NOD2: variants seen among roughly 807,000 people sequenced by gnomAD.
NOD2 encodes nucleotide binding oligomerization domain containing 2.
Under a neutral mutation model 90.9 loss-of-function variants are expected in NOD2, and 86 were observed. That is an observed-to-expected ratio of 0.95 (90% CI 0.79 to 1.13). NOD2 has a LOEUF of 1.13. NOD2 is among the 50% of genes most tolerant of loss of function. The probability of loss-of-function intolerance (pLI) is 0.00; values close to 1 mark genes in which losing one functional copy is unlikely to be tolerated. For missense variants in NOD2, 1,238 were observed against 1,283.8 expected, an observed-to-expected ratio of 0.96 and a Z score of 0.55; for synonymous variants, 581 against 554.6, an observed-to-expected ratio of 1.05 and a Z score of -0.67.
chr16:50,699,621 G>A lies in NOD2; in HGVS notation c.126G>A (p.Glu42=). 5 of 1,614,118 alleles carry A rather than the reference G, an allele frequency of 3.1e-6. No homozygotes were observed. The highest frequency in any genetic ancestry group is 3.4e-6 in the Non-Finnish European group (4 of 1,180,022). The change falls in exon 2 of 12, where the codon GAG becomes GAA. Residue 42 remains glutamate, a synonymous_variant. Coordinates refer to ENST00000647318, the MANE Select transcript of NOD2 (RefSeq NM_001370466.1). ...TGTCCTGGGAGGTCCTCTCCTGGGA[G>A]GACTACGAGGGCTTCCACCTCCTGG... ...WLLSWEVLSW[E]DYEGFHLLGQ...
chr16:50,698,929 C>CT (rs535158696), intron 1 of NOD2, among the ~76,000 whole-genome samples: 12,126 of 140,826 alleles, frequency 0.086, 1,072 homozygotes, highest in African/African-American at 0.22. Flanking sequence ...CTCTCTCTGT[C>CT]TTTTTTTTTT....
rs1456242383 is a variant in NOD2, at chr16:50,711,453, C to T, written c.1461C>T (p.Tyr487=). The change falls in exon 4 of 12, where the codon TAC becomes TAT. Residue 487 remains tyrosine, a synonymous_variant. Coordinates refer to ENST00000647318, the MANE Select transcript of NOD2 (RefSeq NM_001370466.1). The stretch of plus-strand genomic sequence containing the variant: ...CCCCAAAGACCACTACAGATATGTA[C>T]CTGCTGATTCTGCAGCATTTTCTGC... ...GGSPKTTTDM[Y]LLILQHFLLH... is the part of the protein sequence containing the mutation. 2 of 1,613,530 alleles carry T rather than the reference C, an allele frequency of 1.2e-6. No homozygotes were observed. The highest frequency in any genetic ancestry group is 1.1e-5 in the South Asian group (1 of 91,084).
intron 6 of NOD2, among the ~76,000 whole-genome samples, chr16:50,719,588 G>A (rs1183575144): frequency 1.3e-5 from 2 of 152,236 alleles, no homozygotes; most frequent in African/African-American, 2.4e-5. Context: ...CTGGATCGAG[G>A]GCGGCTGAGA....
At chr16:50,713,821 C>G (rs1964655478) in intron 4 of NOD2, among the ~76,000 whole-genome samples, 1 of 152,176 alleles carries the variant, frequency 6.6e-6, no homozygotes, top group Admixed American at 6.5e-5. Context: ...CACCCCAACT[C>G]TTGCTCCTGG....
intron 7 of NOD2, among the ~76,000 whole-genome samples, chr16:50,720,277 A>G (rs1964996034): frequency 6.6e-6 from 1 of 152,200 alleles, no homozygotes; most frequent in African/African-American, 2.4e-5. Flanking sequence ...AGGGGGCGCT[A>G]GGGCTGTACT....
chr16:50,726,578 C>CT (rs1965274012), intron 10 of NOD2, among the ~76,000 whole-genome samples: 1 of 152,162 alleles, frequency 6.6e-6, no homozygotes, highest in Non-Finnish European at 1.5e-5. Context: ...GAGGGTCGGC[C>CT]TTTGGGAATA....
At chr16:50,729,695 G>A (rs968022321) in intron 10 of NOD2, 123 bp from the exon 11 acceptor site, 15 of 745,940 alleles carry the variant, frequency 2.0e-5, no homozygotes, top group South Asian at 1.5e-4. Context: ...GACATGAGCA[G>A]GATGTGTCTA....
At chr16:50,720,118 C>A (rs1964988902) in intron 7 of NOD2, 110 bp downstream of exon 7, 2 of 945,064 alleles carry the variant, frequency 2.1e-6, no homozygotes, top group Non-Finnish European at 3.3e-6. Context: ...AGCCCAGCTC[C>A]AGTGGGGAGG....
intron 9 of NOD2, 54 bp downstream of exon 9, chr16:50,723,438 C>A: frequency 1.3e-6 from 2 of 1,513,038 alleles, no homozygotes; most frequent in South Asian, 1.1e-5. Flanking sequence ...CTCTGTTGAT[C>A]CCCTGGCCTC....
Position 50,712,324 on chromosome 16 carries a change from A to G in NOD2, c.2332A>G (p.Ile778Val). ...GCTGGACTACAACTCTGTGGGTGAC[A>G]TTGGCGTGGAGCAGCTGCTGCCTTG... is the stretch of plus-strand genomic sequence containing the variant. ...LQLDYNSVGD[I>V]GVEQLLPCLG... The change falls in exon 4 of 12, where the codon ATT (isoleucine) becomes GTT (valine). Residue 778 changes from isoleucine to valine, a missense_variant. Transcript: ENST00000647318. 1 of 1,614,018 alleles carries G rather than the reference A, an allele frequency of 6.2e-7. No individual in the cohort carries two copies. The highest frequency in any genetic ancestry group is 1.7e-5 in the Admixed American group (1 of 60,026).
Position 50,710,974 on chromosome 16 carries a change from T to C in NOD2, c.982T>C (p.Trp328Arg). 6.2e-7 allele frequency: 1 copy of C among 1,614,242 alleles called. No homozygotes were observed. Reference protein sequence around the residue: ...VRTLLFEHCCWPDVGQEDIFQ... With the variant: ...VRTLLFEHCCRPDVGQEDIFQ... The stretch of plus-strand genomic sequence containing the variant: ...GACTCTACTCTTTGAGCACTGCTGT[T>C]GGCCTGATGTTGGTCAAGAAGACAT... Residue 328 changes from tryptophan to arginine, a missense_variant, in exon 4 of 12, where the codon TGG becomes CGG. Trp to Arg is a moderately radical substitution (Grantham distance 101). Around this residue, in one of 3 missense-constraint regions of NOD2, gnomAD observed 567 missense variants for 577.3 expected, o/e 0.98. Coordinates refer to ENST00000647318, the MANE Select transcript of NOD2 (RefSeq NM_001370466.1).
Position 50,722,826 on chromosome 16 carries a change from A to G in NOD2, c.2717+121A>G, listed in dbSNP as rs1965120383. 3 of 913,916 alleles carry G rather than the reference A, an allele frequency of 3.3e-6. No homozygotes were observed. The South Asian group carries it at 4.0e-5, about 12-fold the overall frequency. The allele number at this position is 913,916 out of a possible 1,614,324, so 56.6% of individuals were successfully genotyped here. On this transcript the variant is annotated intron_variant, in intron 8 of 11. Transcript: ENST00000647318. ...ACCCCACAATGTTAGGCAATGGAGTAAGGAAAAAAGACCATTGGATTTCAA... is the reference window on the plus strand; with the variant it reads ...ACCCCACAATGTTAGGCAATGGAGTGAGGAAAAAAGACCATTGGATTTCAA...
intron 10 of NOD2, 34 bp from the exon 11 acceptor site, chr16:50,729,784 T>C: frequency 6.3e-7 from 1 of 1,578,270 alleles, no homozygotes. Context: ...AAACCAAGAA[T>C]CCTTGAAGCT....
chr16:50,710,420 T>A, intron 3 of NOD2, 138 bp from the exon 4 acceptor site: 1 of 1,098,490 alleles, frequency 9.1e-7, no homozygotes, highest in Non-Finnish European at 1.4e-6. Context: ...AGCTTGTGAA[T>A]GGAGGAGCCA....
chr16:50,700,602 G>T (rs1487792036), intron 2 of NOD2, among the ~76,000 whole-genome samples: 1 of 152,190 alleles, frequency 6.6e-6, no homozygotes, highest in African/African-American at 2.4e-5. Flanking sequence ...ATAGTCAAAT[G>T]GTGCCTATCC....
At position 50,716,951 on chromosome 16, in the gene NOD2, C is replaced by T. The variant is rs1277483116; in HGVS notation, c.2526C>T (p.Cys842=). Residue 842 remains cysteine (C), a synonymous_variant, in exon 6 of 12, where the codon TGC becomes TGT. Coordinates refer to ENST00000647318, the MANE Select transcript of NOD2 (RefSeq NM_001370466.1). ...ACTCCATGGCTAAGCTCCTTGCATG[C>T]AGGCAGAACTTCTTGGCATTGAGGT... ...CAHSMAKLLA[C]RQNFLALRLG... is the part of the protein sequence containing the mutation. 6.2e-7 allele frequency: 1 copy of T among 1,614,150 alleles called. No individual in the cohort carries two copies. Among genetic ancestry groups the T allele is most frequent in the Admixed American group, 1.7e-5 (1 of 60,012 alleles).
intron 4 of NOD2, among the ~76,000 whole-genome samples, chr16:50,714,056 C>T (rs1861940632): frequency 6.6e-6 from 1 of 152,172 alleles, no homozygotes. Flanking sequence ...GAGCAATTTC[C>T]CTGATAGAAA....
At chr16:50,718,452 G>A (rs1233446270) in intron 6 of NOD2, among the ~76,000 whole-genome samples, 1 of 152,256 alleles carries the variant, frequency 6.6e-6, no homozygotes, top group Non-Finnish European at 1.5e-5. Context: ...AATTTAAAAT[G>A]TATGAATTGT....
At chr16:50,709,585 G>A (rs370488756) in intron 3 of NOD2, among the ~76,000 whole-genome samples, 1 of 152,234 alleles carries the variant, frequency 6.6e-6, no homozygotes, top group Non-Finnish European at 1.5e-5. Flanking sequence ...GGATGGGGAA[G>A]TGGAGGCAGG....
Sources: allele counts gnomAD v4.1 joint callset (sites outside exome capture counted in the v4.1 genomes callset), GRCh38; gene constraint gnomAD v4.1.1; regional missense constraint gnomAD v4.1.1; transcripts MANE v1.5; gene names NCBI Gene and HGNC (gene_info 2026-07-23, HGNC 2026-07-21).